OR51L1: variants seen among roughly 807,000 people sequenced by gnomAD.
OR51L1 encodes olfactory receptor 51L1.
OR51L1 carries 1 observed loss-of-function variant against 1.4 expected under a neutral mutation model. The ratio of observed to expected loss-of-function variants is 0.72; its 90% CI spans 0.26 to 3.42. The LOEUF (loss-of-function observed/expected upper bound fraction) is 3.42. OR51L1 is among the 30% of genes most tolerant of loss of function. The pLI is 0.20. For synonymous variants in OR51L1, 156 were observed against 144.2 expected (o/e 1.08, Z -0.59); for missense variants, 378 against 380.0 (o/e 0.99, Z 0.04).
At position 5,005,476 on chromosome 11, in the gene OR51L1, C is replaced by T. The variant is rs1847168484; in HGVS notation, c.*5546C>T. 1 of 152,124 alleles carries T rather than the reference C, an allele frequency of 6.6e-6. No homozygotes were observed. Among genetic ancestry groups the T allele is most frequent in the Non-Finnish European group, 1.5e-5 (1 of 68,034 alleles). The allele number at this position is 152,124 out of a possible 1,614,324, so 9.4% of individuals were successfully genotyped here. A position where few individuals can be genotyped will look rare whatever the true frequency, so the allele number is the denominator to read the frequency against. On this transcript the variant is annotated 3_prime_UTR_variant, in exon 3 of 3. Coordinates refer to ENST00000641819, the MANE Select transcript of OR51L1 (RefSeq NM_001004755.2). Reference sequence around the variant, plus strand: ...GTCCTGAAAACCTTTGTGGAAATAGCCACAGATGTGTCGGTGGCTTTTGTT... The same window carrying T: ...GTCCTGAAAACCTTTGTGGAAATAGTCACAGATGTGTCGGTGGCTTTTGTT...
In OR51L1 at chr11:4,994,858, G is replaced by T. The variant is rs1026440147; in HGVS notation, c.-739G>T. The T allele has an allele frequency of 1.3e-5, 2 of 152,076 alleles. No homozygotes were observed. Among genetic ancestry groups the T allele is most frequent in the Admixed American group, 1.3e-4 (2 of 15,252 alleles). The allele number at this position is 152,076 out of a possible 1,614,324, so 9.4% of individuals were successfully genotyped here. A position where few individuals can be genotyped will look rare whatever the true frequency, so the allele number is the denominator to read the frequency against. On this transcript the variant is annotated 5_prime_UTR_variant, in exon 1 of 3. Transcript: ENST00000641819. ...AGCCTCACCACTCACAGAGTCGAAG[G>T]TTTTCAAAACCTGAGGTTCATAGAG...
chr11:4,994,863 C>G lies in OR51L1; in HGVS notation c.-734C>G, dbSNP rs1268602229. On this transcript the variant is annotated 5_prime_UTR_variant, in exon 1 of 3. Coordinates refer to ENST00000641819, the MANE Select transcript of OR51L1 (RefSeq NM_001004755.2). ...CACCACTCACAGAGTCGAAGGTTTTCAAAACCTGAGGTTCATAGAGACTTA... is the reference window on the plus strand; with the variant it reads ...CACCACTCACAGAGTCGAAGGTTTTGAAAACCTGAGGTTCATAGAGACTTA... 6.6e-6 allele frequency: 1 copy of G among 152,100 alleles called. No homozygotes were observed. The highest frequency in any genetic ancestry group is 2.4e-5 in the African/African-American group (1 of 41,422). The allele number at this position is 152,100 out of a possible 1,614,324, so 9.4% of individuals were successfully genotyped here.
Position 4,999,355 on chromosome 11 carries a change from T to C in OR51L1, c.373T>C (p.Phe125Leu). 2 of 1,614,058 alleles carry C rather than the reference T, an allele frequency of 1.2e-6. No homozygotes were observed. The highest frequency in any genetic ancestry group is 8.5e-7 in the Non-Finnish European group (1 of 1,180,014). Residue 125 changes from phenylalanine (F) to leucine (L), a missense_variant, in exon 3 of 3, where the codon TTT (phenylalanine) becomes CTT (leucine). Coordinates refer to ENST00000641819, the MANE Select transcript of OR51L1 (RefSeq NM_001004755.2). ...GTTGCTGGCCATGGCCTTTGACCGT[T>C]TTGTTGCTATCTGCCATCCACTGCA... ...SVLLAMAFDRFVAICHPLHYP... is the reference protein window; with the variant it reads ...SVLLAMAFDRLVAICHPLHYP...
Position 5,002,618 on chromosome 11 carries a change from A to G in OR51L1, c.*2688A>G, listed in dbSNP as rs1369612533. 6.6e-6 allele frequency: 1 copy of G among 151,948 alleles called. No individual in the cohort carries two copies. The highest frequency in any genetic ancestry group is 1.5e-5 in the Non-Finnish European group (1 of 68,020). 9.4% of individuals were successfully genotyped at this position (151,948 alleles called of 1,614,324 possible). A position where few individuals can be genotyped will look rare whatever the true frequency, so the allele number is the denominator to read the frequency against. On this transcript the variant is annotated 3_prime_UTR_variant, in exon 3 of 3. Transcript: ENST00000641819. ...GAGCCTTGCCTGGGGTCATCCACTG[A>G]CACATTCAATGACTAATGTAGAAAG...
chr11:4,999,776 G>A lies in OR51L1; in HGVS notation c.794G>A (p.Arg265His), dbSNP rs772362329. ...VPVIGVSMVH[R>H]FGKHLSPIVH... is the part of the protein sequence containing the mutation. ...GTTATTGGGGTGTCAATGGTCCATC[G>A]CTTTGGGAAGCATCTGTCTCCCATA... Residue 265 changes from arginine (R) to histidine (H), a missense_variant, in exon 3 of 3, where the codon CGC (arginine) becomes CAC (histidine). Transcript: ENST00000641819. 17 of 1,613,982 alleles carry A rather than the reference G, an allele frequency of 1.1e-5. No individual in the cohort carries two copies. Among genetic ancestry groups the A allele is most frequent in the African/African-American group, 1.3e-5 (1 of 74,980 alleles).
chr11:4,999,597 C>A lies in OR51L1; in HGVS notation c.615C>A (p.Val205=), dbSNP rs978753908. 1.2e-6 allele frequency: 2 copies of A among 1,613,944 alleles called. No individual in the cohort carries two copies. The highest frequency in any genetic ancestry group is 1.1e-5 in the South Asian group (1 of 91,068). Reference sequence around the variant, plus strand: ...ACAGTATTTATGGGCTTTGTGTAGTCATTGCCACACTAGGTGTGGATTCAA... The same window carrying A: ...ACAGTATTTATGGGCTTTGTGTAGTAATTGCCACACTAGGTGTGGATTCAA... ...RTNSIYGLCV[V]IATLGVDSIF... is the part of the protein sequence containing the mutation. Residue 205 remains valine (V), a synonymous_variant, in exon 3 of 3, where the codon GTC becomes GTA. Coordinates refer to ENST00000641819, the MANE Select transcript of OR51L1 (RefSeq NM_001004755.2).
At position 5,000,705 on chromosome 11, in the gene OR51L1, T is replaced by C. The variant is rs1217469771; in HGVS notation, c.*775T>C. 1 of 152,204 alleles carries C rather than the reference T, an allele frequency of 6.6e-6. No individual in the cohort carries two copies. The highest frequency in any genetic ancestry group is 2.4e-5 in the African/African-American group (1 of 41,442). 9.4% of individuals were successfully genotyped at this position (152,204 alleles called of 1,614,324 possible). A position where few individuals can be genotyped will look rare whatever the true frequency, so the allele number is the denominator to read the frequency against. ...CAGATTTGTACTGAAAGGAGACACTTCAGCATTCTGGGCAGAAAGCAGGGT... is the reference window on the plus strand; with the variant it reads ...CAGATTTGTACTGAAAGGAGACACTCCAGCATTCTGGGCAGAAAGCAGGGT... On this transcript the variant is annotated 3_prime_UTR_variant, in exon 3 of 3. Transcript: ENST00000641819.
Position 5,000,556 on chromosome 11 carries a change from GAGTT to G in OR51L1, c.*629_*632del, listed in dbSNP as rs1433168413. 1 of 152,236 alleles carries G rather than the reference GAGTT, an allele frequency of 6.6e-6. No individual in the cohort carries two copies. The highest frequency in any genetic ancestry group is 2.4e-5 in the African/African-American group (1 of 41,412). 9.4% of individuals were successfully genotyped at this position (152,236 alleles called of 1,614,324 possible). A position where few individuals can be genotyped will look rare whatever the true frequency, so the allele number is the denominator to read the frequency against. On this transcript the variant is annotated 3_prime_UTR_variant, in exon 3 of 3. Coordinates refer to ENST00000641819, the MANE Select transcript of OR51L1 (RefSeq NM_001004755.2). ...CTTCCTCAATTTGCCAGCAAATACT[GAGTT>G]AGATACATGGGAGTGTTACCAAATA... is the stretch of plus-strand genomic sequence containing the variant.
rs1258478062 is a variant in OR51L1, at chr11:5,002,047, T to C, written c.*2117T>C. 6.6e-6 allele frequency: 1 copy of C among 152,210 alleles called. No homozygotes were observed. The highest frequency in any genetic ancestry group is 1.5e-5 in the Non-Finnish European group (1 of 68,036). The allele number at this position is 152,210 out of a possible 1,614,324, so 9.4% of individuals were successfully genotyped here. A position where few individuals can be genotyped will look rare whatever the true frequency, so the allele number is the denominator to read the frequency against. The stretch of plus-strand genomic sequence containing the variant: ...TTTAAGAATCAGTAATCAGAGTAGT[T>C]GACACTTTCACTGTGCATTGTGAGT... On this transcript the variant is annotated 3_prime_UTR_variant, in exon 3 of 3. Transcript: ENST00000641819.
Position 4,999,051 on chromosome 11 carries a change from G to T in OR51L1, c.69G>T (p.Glu23Asp). The change falls in exon 3 of 3, where the codon GAG becomes GAT. Residue 23 changes from glutamate to aspartate, a missense_variant. Physicochemically the swap from Glu to Asp is conservative, Grantham distance 45 (BLOSUM62 2). Transcript: ENST00000641819. Reference protein sequence around the residue: ...IFILRGFPGLEYVHSWLSILF... With the variant: ...IFILRGFPGLDYVHSWLSILF... ...TCCTGAGGGGTTTTCCTGGACTGGAGTATGTTCATTCTTGGCTCTCCATCC... is the reference window on the plus strand; with the variant it reads ...TCCTGAGGGGTTTTCCTGGACTGGATTATGTTCATTCTTGGCTCTCCATCC... The T allele has an allele frequency of 6.2e-7, 1 of 1,614,076 alleles. No homozygotes were observed. The highest frequency in any genetic ancestry group is 8.5e-7 in the Non-Finnish European group (1 of 1,179,948).
At position 4,999,790 on chromosome 11, in the gene OR51L1, C is replaced by G. The variant is rs1847111631; in HGVS notation, c.808C>G (p.Leu270Val). 4.3e-6 allele frequency: 7 copies of G among 1,614,070 alleles called. No individual in the cohort carries two copies. Among genetic ancestry groups the G allele is most frequent in the Non-Finnish European group, 5.9e-6 (7 of 1,179,984 alleles). Reference sequence around the variant, plus strand: ...AATGGTCCATCGCTTTGGGAAGCATCTGTCTCCCATAGTCCACATCCTCAT... The same window carrying G: ...AATGGTCCATCGCTTTGGGAAGCATGTGTCTCCCATAGTCCACATCCTCAT... ...VSMVHRFGKH[L>V]SPIVHILMAD... The change falls in exon 3 of 3, where the codon CTG (leucine) becomes GTG (valine). Residue 270 changes from leucine to valine, a missense_variant. Physicochemically the swap from Leu to Val is conservative, Grantham distance 32. Coordinates refer to ENST00000641819, the MANE Select transcript of OR51L1 (RefSeq NM_001004755.2).
rs199642881 is a variant in OR51L1, at chr11:4,999,364, A to G, written c.382A>G (p.Ile128Val). Residue 128 changes from isoleucine (I) to valine (V), a missense_variant, in exon 3 of 3, where the codon ATC becomes GTC. Ile to Val is a conservative substitution (Grantham distance 29). Transcript: ENST00000641819. ...LAMAFDRFVAICHPLHYPTIL... is the reference protein window; with the variant it reads ...LAMAFDRFVAVCHPLHYPTIL... Reference sequence around the variant, plus strand: ...CATGGCCTTTGACCGTTTTGTTGCTATCTGCCATCCACTGCACTACCCCAC... The same window carrying G: ...CATGGCCTTTGACCGTTTTGTTGCTGTCTGCCATCCACTGCACTACCCCAC... The G allele has an allele frequency of 3.5e-5, 56 of 1,613,938 alleles. No homozygotes were observed. The highest frequency in any genetic ancestry group is 1.3e-4 in the African/African-American group (10 of 74,898).
At chr11:4,996,451 A>G (rs991072886) in intron 1 of OR51L1, among the ~76,000 whole-genome samples, 1 of 152,158 alleles carries the variant, frequency 6.6e-6, no homozygotes, top group Non-Finnish European at 1.5e-5. Context: ...TTTTCTAAAC[A>G]TCGCAATCTG....
At chr11:4,995,686 CA>C (rs1219929777) in intron 1 of OR51L1, among the ~76,000 whole-genome samples, 1 of 152,078 alleles carries the variant, frequency 6.6e-6, no homozygotes, top group Non-Finnish European at 1.5e-5. Context: ...CCCTTTGAAA[CA>C]GTCTTGTTAT....
chr11:5,003,147 G>A lies in OR51L1; in HGVS notation c.*3217G>A, dbSNP rs996875823. On this transcript the variant is annotated 3_prime_UTR_variant, in exon 3 of 3. Transcript: ENST00000641819. ...TTAGAAGAGGAAAAAAGGAAAGTACGCTTGGAAGAGACCCAAGGGTAAATT... is the reference window on the plus strand; with the variant it reads ...TTAGAAGAGGAAAAAAGGAAAGTACACTTGGAAGAGACCCAAGGGTAAATT... The A allele has an allele frequency of 3.3e-5, 5 of 152,196 alleles. No homozygotes were observed. Among genetic ancestry groups the A allele is most frequent in the African/African-American group, 1.2e-4 (5 of 41,448 alleles). 9.4% of individuals were successfully genotyped at this position (152,196 alleles called of 1,614,324 possible). A position where few individuals can be genotyped will look rare whatever the true frequency, so the allele number is the denominator to read the frequency against.
rs548033037 is a variant in OR51L1 at position 5,002,876 on chromosome 11, C to T, written c.*2946C>T. 6.6e-6 allele frequency: 1 copy of T among 152,078 alleles called. No homozygotes were observed. The highest frequency in any genetic ancestry group is 1.5e-5 in the Non-Finnish European group (1 of 68,028). The allele number at this position is 152,078 out of a possible 1,614,324, so 9.4% of individuals were successfully genotyped here. A position where few individuals can be genotyped will look rare whatever the true frequency, so the allele number is the denominator to read the frequency against. On this transcript the variant is annotated 3_prime_UTR_variant, in exon 3 of 3. Coordinates refer to ENST00000641819, the MANE Select transcript of OR51L1 (RefSeq NM_001004755.2). ...CCTCAAAGTCTGCTTCCCAGAGAAC[C>T]CTGAAATGAGAAGTTCTCAGAAAAC...
rs755857938 is a variant in OR51L1 at position 4,995,288 on chromosome 11, C to T, written c.-309C>T. On this transcript the variant is annotated 5_prime_UTR_variant, in exon 1 of 3. Transcript: ENST00000641819. The stretch of plus-strand genomic sequence containing the variant: ...CATTTGAGAAATGGGCTACTGATTG[C>T]AAATTAACTAGGCATATTGATTCAA... 3.3e-5 allele frequency: 5 copies of T among 151,980 alleles called. No homozygotes were observed. Among genetic ancestry groups the T allele is most frequent in the Admixed American group, 6.6e-5 (1 of 15,240 alleles). 9.4% of individuals were successfully genotyped at this position (151,980 alleles called of 1,614,324 possible).
intron 1 of OR51L1, among the ~76,000 whole-genome samples, chr11:4,996,594 A>C (rs1463509049): frequency 1.3e-5 from 2 of 152,124 alleles, no homozygotes; most frequent in African/African-American, 4.8e-5. Context: ...TTAAAGGAGA[A>C]AACATGGAAT....
At position 5,004,915 on chromosome 11, in the gene OR51L1, C is replaced by G. The variant is rs546083031; in HGVS notation, c.*4985C>G. ...TTTTGATATGAATACATAGTTCAGT[C>G]AGAACTATGTAAAAGAAAATAAAAA... is the stretch of plus-strand genomic sequence containing the variant. On this transcript the variant is annotated 3_prime_UTR_variant, in exon 3 of 3. Coordinates refer to ENST00000641819, the MANE Select transcript of OR51L1 (RefSeq NM_001004755.2). 6.6e-6 allele frequency: 1 copy of G among 152,074 alleles called. No homozygotes were observed. Among genetic ancestry groups the G allele is most frequent in the South Asian group, 2.1e-4 (1 of 4,810 alleles). 9.4% of individuals were successfully genotyped at this position (152,074 alleles called of 1,614,324 possible).
Sources: gnomAD v4.1 joint callset for allele counts (sites outside exome capture counted in the v4.1 genomes callset) on GRCh38, gnomAD v4.1.1 for gene constraint, MANE v1.5 for transcripts, NCBI Gene and HGNC (gene_info 2026-07-23, HGNC 2026-07-21) for gene names.